The following CTNNA2 variants were observed in gnomAD, a reference collection of about 807,000 sequenced individuals.
CTNNA2 encodes catenin alpha 2, also known as catenin alpha-2.
A neutral mutation model predicts 101.0 loss-of-function variants in CTNNA2; 42 were observed. The ratio of observed to expected loss-of-function variants is 0.42; its 90% CI spans 0.32 to 0.54. The LOEUF (loss-of-function observed/expected upper bound fraction) is 0.54, where lower values mean the gene tolerates loss of function less well. Ranked by LOEUF, CTNNA2 falls within the 20% of genes least tolerant of loss-of-function variation. The pLI is 0.14. For missense variants in CTNNA2, 871 were observed against 1,223.1 expected, an observed-to-expected ratio of 0.71 and a Z score of 4.29; for synonymous variants, 450 against 456.4, an observed-to-expected ratio of 0.99 and a Z score of 0.18.
At chr2:79,287,540 G>T (rs1366080916) in intron 2 of CTNNA2, among the ~76,000 whole-genome samples, 4 of 99,442 alleles carry the variant, frequency 4.0e-5, no homozygotes, top group South Asian at 3.2e-4. Flanking sequence ...TGCCCCTGCT[G>T]GGGGGTGCCT....
chr2:80,638,737 TGAA>T (rs1673130474), intron 18 of CTNNA2, among the ~76,000 whole-genome samples: 2 of 152,322 alleles, frequency 1.3e-5, no homozygotes, highest in South Asian at 2.1e-4. Context: ...TACCCATAAT[TGAA>T]AAAATGCAAA....
Position 80,520,570 on chromosome 2 carries a change from G to A in CTNNA2, c.1291-24412G>A, listed in dbSNP as rs961149901. On this transcript the variant is annotated intron_variant, in intron 9 of 18. Transcript: ENST00000402739. Reference sequence around the variant, plus strand: ...TGAGGGCCTTTTTCCGGAGTTGCAGGTGGCTAACTCCTTACTGTATCCTCA... The same window carrying A: ...TGAGGGCCTTTTTCCGGAGTTGCAGATGGCTAACTCCTTACTGTATCCTCA... Among the ~76,000 whole-genome samples the A allele has an allele frequency of 2.0e-5, 3 of 152,108 alleles. No individual in the cohort carries two copies. The East Asian group carries it at 5.8e-4, about 29-fold the overall frequency.
At chr2:79,835,688 TTTTTTTTTTTTTTTTG>T (rs1281411694) in intron 3 of CTNNA2, among the ~76,000 whole-genome samples, 1 of 133,726 alleles carries the variant, frequency 7.5e-6, no homozygotes, top group Non-Finnish European at 1.6e-5. Flanking sequence ...TTTTTTTTTT[TTTTTTTTTTTTTTTTG>T]AGACAGAGTG....
intron 7 of CTNNA2, among the ~76,000 whole-genome samples, chr2:80,230,217 C>G (rs1709115790): frequency 6.6e-6 from 1 of 151,050 alleles, no homozygotes; most frequent in Non-Finnish European, 1.5e-5. Context: ...GCAATGCATG[C>G]CTGTATATAT....
intron 7 of CTNNA2, among the ~76,000 whole-genome samples, chr2:80,143,088 G>C (rs1327564556): frequency 2.0e-5 from 3 of 152,146 alleles, no homozygotes; most frequent in African/African-American, 7.2e-5. Context: ...AACTACCACT[G>C]ACAATGCCTT....
intron 7 of CTNNA2, among the ~76,000 whole-genome samples, chr2:80,146,725 T>TTG (rs1703366759): frequency 8.8e-6 from 1 of 114,246 alleles, no homozygotes; most frequent in Non-Finnish European, 1.8e-5. Context: ...TTTTTTTTTT[T>TTG]TTTTTTTTTT....
intron 3 of CTNNA2, among the ~76,000 whole-genome samples, chr2:79,337,412 AG>A (rs1244351657): frequency 1.1e-4 from 16 of 152,352 alleles, no homozygotes; most frequent in Non-Finnish European, 2.1e-4. Context: ...ACTTTTCAAA[AG>A]AAAATGTACA....
intron 6 of CTNNA2, among the ~76,000 whole-genome samples, chr2:79,902,629 C>A (rs1574270890): frequency 7.0e-6 from 1 of 142,296 alleles, no homozygotes; most frequent in Non-Finnish European, 1.5e-5. Context: ...TCTTCCTCTT[C>A]TTTTTTTTTT....
chr2:79,502,014 A>G (rs908563621), intron 4 of CTNNA2, among the ~76,000 whole-genome samples: 1 of 148,780 alleles, frequency 6.7e-6, no homozygotes, highest in African/African-American at 2.5e-5. Flanking sequence ...ACCTCCCCTA[A>G]GGAAGTTACT....
chr2:79,584,375 G>A (rs765195988), intron 1 of CTNNA2, among the ~76,000 whole-genome samples: 2 of 151,512 alleles, frequency 1.3e-5, no homozygotes, highest in Non-Finnish European at 2.9e-5. Context: ...TTTTTTTCTT[G>A]TTGTCTTTTT....
intron 2 of CTNNA2, among the ~76,000 whole-genome samples, chr2:79,201,442 C>T (rs946969788): frequency 3.7e-4 from 47 of 128,672 alleles, no homozygotes; most frequent in Non-Finnish European, 5.1e-4. Flanking sequence ...AACTCAAATT[C>T]ACCTTCCTTC....
intron 1 of CTNNA2, among the ~76,000 whole-genome samples, chr2:79,567,973 A>G (rs1675219417): frequency 6.6e-6 from 1 of 152,146 alleles, no homozygotes; most frequent in South Asian, 2.1e-4. Context: ...GGCAGAAGGT[A>G]GACATTGAAG....
intron 2 of CTNNA2, among the ~76,000 whole-genome samples, chr2:79,676,606 G>T (rs1416475364): frequency 6.6e-6 from 1 of 152,092 alleles, no homozygotes; most frequent in African/African-American, 2.4e-5. Flanking sequence ...TGAATACTCT[G>T]TCCAGATGCC....
At chr2:80,454,187 A>G (rs891526865) in intron 9 of CTNNA2, among the ~76,000 whole-genome samples, 1 of 152,156 alleles carries the variant, frequency 6.6e-6, no homozygotes, top group Non-Finnish European at 1.5e-5. Flanking sequence ...ATTACAATTG[A>G]TTGTATTGAG....
chr2:79,459,539 A>T (rs1670856588), intron 4 of CTNNA2, among the ~76,000 whole-genome samples: 1 of 152,142 alleles, frequency 6.6e-6, no homozygotes, highest in South Asian at 2.1e-4. Context: ...CTTTAGAATT[A>T]CTCAGTTTTA....
chr2:79,532,431 G>T (rs1450576596), intron 1 of CTNNA2, among the ~76,000 whole-genome samples: 1 of 152,054 alleles, frequency 6.6e-6, no homozygotes, highest in Non-Finnish European at 1.5e-5. Flanking sequence ...TTTTGCTATA[G>T]TACTACTGTG....
Position 79,223,052 on chromosome 2 carries a change from C to T in CTNNA2, c.-406+24976C>T, listed in dbSNP as rs577663161. ...GAGCACATTTATAGTCCCAGCTACT[C>T]GAGAGTCTGAGGCAAGAGAACTGCT... On this transcript the variant is annotated intron_variant, in intron 2 of 21. Transcript: ENST00000466387. 1.6e-4 allele frequency among the ~76,000 whole-genome samples: 24 copies of T among 152,228 alleles called. 1 individual carries two copies. Among genetic ancestry groups the T allele is most frequent in the East Asian group, 9.7e-4 (5 of 5,180 alleles).
Position 80,423,995 on chromosome 2 carries a change from G to A in CTNNA2, c.1290+4394G>A, listed in dbSNP as rs991536839. On this transcript the variant is annotated intron_variant, in intron 9 of 18. Transcript: ENST00000402739. ...TTTTGAGATGGAGTCTCGCACTGTC[G>A]CCTGGGCTGGAGTGCAGTGGCGCAA... 5.9e-5 allele frequency among the ~76,000 whole-genome samples: 9 copies of A among 151,770 alleles called. No individual in the cohort carries two copies. The East Asian group carries it at 1.8e-3, about 30-fold the overall frequency.
At chr2:80,589,576 T>TA in intron 15 of CTNNA2, 91 bp downstream of exon 15, 5 of 1,247,876 alleles carry the variant, frequency 4.0e-6, no homozygotes, top group Non-Finnish European at 5.5e-6. Flanking sequence ...GCTGAAAAAT[T>TA]AAAATATACC....
Sources: gnomAD v4.1 joint callset for allele counts (sites outside exome capture counted in the v4.1 genomes callset) on GRCh38, gnomAD v4.1.1 for gene constraint, MANE v1.5 for transcripts, NCBI Gene and HGNC (gene_info 2026-07-23, HGNC 2026-07-21) for gene names.